The following AREL1 variants were observed in gnomAD, a reference collection of about 807,000 sequenced individuals.
AREL1 encodes the protein apoptosis-resistant E3 ubiquitin protein ligase 1.
In AREL1, 62 loss-of-function variants were observed where a neutral mutation model predicts 99.0. The ratio of observed to expected loss-of-function variants is 0.63; its 90% CI spans 0.51 to 0.77. AREL1 has a LOEUF of 0.77. Ranked by LOEUF, AREL1 falls within the 30% of genes least tolerant of loss-of-function variation. AREL1 has a pLI of 0.00. For missense variants in AREL1, 879 were observed against 1,027.6 expected (o/e 0.86, Z 1.98); for synonymous variants, 380 against 376.5 (o/e 1.01, Z -0.11).
chr14:74,680,064 T>C (rs2089594888), intron 5 of AREL1, among the ~76,000 whole-genome samples: 2 of 151,536 alleles, frequency 1.3e-5, no homozygotes, highest in Non-Finnish European at 2.9e-5. Context: ...TAATCCCAGC[T>C]ACTCAGGAGG....
At chr14:74,665,765 A>AGCT (rs1264801983) in intron 17 of AREL1, among the ~76,000 whole-genome samples, 1 of 152,218 alleles carries the variant, frequency 6.6e-6, no homozygotes, top group Non-Finnish European at 1.5e-5. Context: ...GTTACTTAGC[A>AGCT]GACTGCAAGT....
chr14:74,680,197 GAAAGAAAAGA>G (rs751212708), intron 5 of AREL1, among the ~76,000 whole-genome samples: 4 of 149,242 alleles, frequency 2.7e-5, no homozygotes, highest in Admixed American at 6.7e-5. Flanking sequence ...AAAAAAGAAA[GAAAGAAAAGA>G]AAAGAAAAGA....
chr14:74,670,228 C>A, intron 13 of AREL1, 102 bp from the exon 14 acceptor site: 2 of 1,244,256 alleles, frequency 1.6e-6, no homozygotes, highest in South Asian at 1.6e-5. Context: ...AACAAGATGT[C>A]ACTGTGAGGA....
rs1212894920 is a variant in AREL1 at position 74,664,873 on chromosome 14, G to A, written c.2156C>T (p.Ala719Val). The A allele has an allele frequency of 6.2e-7, 1 of 1,613,712 alleles. No homozygotes were observed. Among genetic ancestry groups the A allele is most frequent in the African/African-American group, 1.3e-5 (1 of 74,880 alleles). Residue 719 changes from alanine to valine, a missense_variant, in exon 18 of 20, where the codon GCA (alanine) becomes GTA (valine). Physicochemically the swap from Ala to Val is moderately conservative, Grantham distance 64 (BLOSUM62 0). Coordinates refer to ENST00000356357, the MANE Select transcript of AREL1 (RefSeq NM_001039479.2). ...DISVSDFKAHAVVVGGSWHFR... is the reference protein window; with the variant it reads ...DISVSDFKAHVVVVGGSWHFR... ...ATGCCATGAGCCACCAACAACTACTGCATGGGCTTTGAAGTCAGACACACT... is the reference window on the plus strand; with the variant it reads ...ATGCCATGAGCCACCAACAACTACTACATGGGCTTTGAAGTCAGACACACT...
chr14:74,710,704 C>G (rs2090264208), intron 1 of AREL1, among the ~76,000 whole-genome samples: 1 of 152,096 alleles, frequency 6.6e-6, no homozygotes, highest in Admixed American at 6.5e-5. Flanking sequence ...AAGCAGAAGG[C>G]ACATACAGTA....
intron 1 of AREL1, among the ~76,000 whole-genome samples, chr14:74,699,847 C>T (rs529402799): frequency 5.9e-5 from 9 of 152,280 alleles, no homozygotes; most frequent in African/African-American, 9.6e-5. Flanking sequence ...GAAACGAATC[C>T]GCTGCTCTTG....
intron 8 of AREL1, among the ~76,000 whole-genome samples, chr14:74,674,572 A>G (rs1286720590): frequency 1.3e-5 from 2 of 152,236 alleles, no homozygotes; most frequent in African/African-American, 4.8e-5. Context: ...ATGGCACTCC[A>G]GCATGGGTGA....
intron 8 of AREL1, among the ~76,000 whole-genome samples, chr14:74,675,322 A>G (rs2089446323): frequency 6.6e-6 from 1 of 152,220 alleles, no homozygotes. Context: ...TTTTATGAGG[A>G]CTGAATGAAT....
chr14:74,685,040 T>C (rs2089717897), intron 3 of AREL1, among the ~76,000 whole-genome samples: 1 of 152,224 alleles, frequency 6.6e-6, no homozygotes, highest in African/African-American at 2.4e-5. Context: ...TCTCTGGCCT[T>C]TTATAGAAAA....
rs1209046485 is a variant in AREL1 at position 74,662,175 on chromosome 14, A to AT, written c.*1544dup. ...GCACCCATGTGCCAAGAAAGGACAA[A>AT]TGATGACTGCGAAAGACTGAGGTCA... On this transcript the variant is annotated 3_prime_UTR_variant, in exon 20 of 20. Coordinates refer to ENST00000356357, the MANE Select transcript of AREL1 (RefSeq NM_001039479.2). 43 of 162,726 alleles carry AT rather than the reference A, an allele frequency of 2.6e-4. No homozygotes were observed. Among genetic ancestry groups the AT allele is most frequent in the Non-Finnish European group, 5.3e-5 (4 of 74,940 alleles). The allele number at this position is 162,726 out of a possible 1,614,324, so 10.1% of individuals were successfully genotyped here.
chr14:74,702,962 T>C (rs916036816), intron 1 of AREL1, among the ~76,000 whole-genome samples: 4 of 152,194 alleles, frequency 2.6e-5, no homozygotes, highest in African/African-American at 9.7e-5. Flanking sequence ...TTGTTCAAAG[T>C]CATTCAACAA....
chr14:74,704,908 T>G (rs1298395543), intron 1 of AREL1, among the ~76,000 whole-genome samples: 1 of 152,214 alleles, frequency 6.6e-6, no homozygotes, highest in Admixed American at 6.5e-5. Flanking sequence ...AATCCTCTCG[T>G]CAAATTTTTT....
rs2089080696 is a variant in AREL1, at chr14:74,661,670, TCAGA to T, written c.*2046_*2049del. On this transcript the variant is annotated 3_prime_UTR_variant, in exon 20 of 20. Coordinates refer to ENST00000356357, the MANE Select transcript of AREL1 (RefSeq NM_001039479.2). Reference sequence around the variant, plus strand: ...GAGCAAAGATACTTTTGAATAGAGTTCAGACAGAGAATAGAAAACCACAATAGTG... The same window carrying T: ...GAGCAAAGATACTTTTGAATAGAGTTCAGAGAATAGAAAACCACAATAGTG... The T allele has an allele frequency of 5.8e-6, 1 of 171,272 alleles. No individual in the cohort carries two copies. Among genetic ancestry groups the T allele is most frequent in the Non-Finnish European group, 1.3e-5 (1 of 79,844 alleles). 10.6% of individuals were successfully genotyped at this position (171,272 alleles called of 1,614,324 possible).
chr14:74,683,193 G>A, intron 5 of AREL1, 103 bp downstream of exon 5: 2 of 789,674 alleles, frequency 2.5e-6, no homozygotes, highest in Non-Finnish European at 4.0e-6. Context: ...TATGGCATGG[G>A]AATTAAATCT....
chr14:74,685,254 T>C (rs545774630), intron 3 of AREL1, among the ~76,000 whole-genome samples: 44 of 152,248 alleles, frequency 2.9e-4, no homozygotes, highest in African/African-American at 8.9e-4. Flanking sequence ...CCACCAGAGT[T>C]AGCAGTTCCC....
chr14:74,680,394 T>C (rs1566688280), intron 5 of AREL1, among the ~76,000 whole-genome samples: 1 of 151,998 alleles, frequency 6.6e-6, no homozygotes, highest in Non-Finnish European at 1.5e-5. Context: ...AAATAAAAAA[T>C]AATGACAGCA....
At chr14:74,667,615 C>CA in intron 15 of AREL1, 21 bp from the exon 16 acceptor site, 3 of 1,586,744 alleles carry the variant, frequency 1.9e-6, no homozygotes, top group Non-Finnish European at 2.6e-6. Context: ...CAGCAAAAGA[C>CA]AGACAAGGGA....
At chr14:74,673,258 C>A in intron 9 of AREL1, 40 bp from the exon 10 acceptor site, 1 of 1,607,486 alleles carries the variant, frequency 6.2e-7, no homozygotes. Context: ...ATAAAACCCT[C>A]AAGGCCAGTA....
Position 74,667,462 on chromosome 14 carries a change from C to T in AREL1, c.2044+3G>A, listed in dbSNP as rs764061373. On this transcript the variant is annotated splice_donor_region_variant and intron_variant, in intron 16 of 19. Transcript: ENST00000356357. ...TCAAGGCCAAGAACAGACAGGATCC[C>T]ACCTTTTAGGAAATGTTCCACCTCC... is the stretch of plus-strand genomic sequence containing the variant. 6.5e-5 allele frequency: 105 copies of T among 1,613,512 alleles called. No homozygotes were observed. The highest frequency in any genetic ancestry group is 8.6e-5 in the Non-Finnish European group (102 of 1,179,646).
Sources: gnomAD v4.1 joint callset for allele counts (sites outside exome capture counted in the v4.1 genomes callset) on GRCh38, gnomAD v4.1.1 for gene constraint, MANE v1.5 for transcripts, NCBI Gene and HGNC (gene_info 2026-07-23, HGNC 2026-07-21) for gene names.